The following KLF8 variants were observed in gnomAD, a reference collection of about 807,000 sequenced individuals.
KLF8 encodes the protein Krueppel-like factor 8.
KLF8 carries 10 observed loss-of-function variants against 18.2 expected under a neutral mutation model. The ratio of observed to expected loss-of-function variants is 0.55; its 90% CI spans 0.34 to 0.93. The LOEUF (loss-of-function observed/expected upper bound fraction) is 0.93. KLF8 is among the 40% of genes least tolerant of loss of function. The pLI, the probability that KLF8 is intolerant of heterozygous loss-of-function variation, is 0.02. For missense variants in KLF8, 264 were observed against 277.9 expected (o/e 0.95, Z 0.36); for synonymous variants, 109 against 97.3 (o/e 1.12, Z -0.71).
At chrX:56,117,502 G>GA in the KLF8 span, among the ~76,000 whole-genome samples, 632 of 107,221 alleles carry the variant, frequency 5.9e-3, 5 homozygotes, top group African/African-American at 0.015. Flanking sequence ...ATCTCTGGGG[G>GA]AAAAAAAAAC....
At chrX:56,160,124 T>C in the KLF8 span, among the ~76,000 whole-genome samples, 1 of 112,103 alleles carries the variant, frequency 8.9e-6, no homozygotes, top group Admixed American at 9.5e-5. Flanking sequence ...ACATCTTTTT[T>C]TCTGCCTTCA....
the KLF8 span, among the ~76,000 whole-genome samples, chrX:56,106,962 C>A: frequency 8.9e-6 from 1 of 111,964 alleles, no homozygotes; most frequent in African/African-American, 3.2e-5. Flanking sequence ...TTCTTTCTAA[C>A]GGTCAGGTCC....
chrX:56,092,150 C>T, the KLF8 span, among the ~76,000 whole-genome samples: 4 of 110,543 alleles, frequency 3.6e-5, no homozygotes, highest in South Asian at 1.2e-3. Flanking sequence ...TTGTCCTTTG[C>T]CCATTTTTAA....
the KLF8 span, among the ~76,000 whole-genome samples, chrX:56,083,490 CTT>C: frequency 8.9e-6 from 1 of 111,875 alleles, no homozygotes. Flanking sequence ...GAAAATAAAG[CTT>C]TTTTTGATTA....
At chrX:56,216,439 C>T in the KLF8 span, among the ~76,000 whole-genome samples, 8 of 110,853 alleles carry the variant, frequency 7.2e-5, no homozygotes, top group East Asian at 2.8e-4. Flanking sequence ...CTCACAGTAA[C>T]CTTGAACTCC....
chrX:55,909,242 G>A, the KLF8 span, among the ~76,000 whole-genome samples: 9 of 112,308 alleles, frequency 8.0e-5, no homozygotes, highest in East Asian at 2.5e-3. Flanking sequence ...AGGAATTTGT[G>A]TGGCGAGGAC....
the KLF8 span, among the ~76,000 whole-genome samples, chrX:56,130,591 G>A: frequency 9.0e-6 from 1 of 110,858 alleles, no homozygotes; most frequent in East Asian, 2.8e-4. Flanking sequence ...ACAAAACCAG[G>A]TTCTTTAACA....
Position 56,290,355 on chromosome X carries a change from AT to A in KLF8, c.*5862del, listed in dbSNP as rs1479932024. ...GTTATAATGATAGTTATAGTACCTT[AT>A]ATTTACCCTATGTAAAAGAGAAGAT... On this transcript the variant is annotated 3_prime_UTR_variant, in exon 6 of 6. Transcript: ENST00000468660. Among the ~76,000 whole-genome samples the A allele has an allele frequency of 6.3e-5, 7 of 111,959 alleles. No homozygotes were observed. The highest frequency in any genetic ancestry group is 5.7e-4 in the Admixed American group (6 of 10,538).
chrX:56,245,049 G>A (rs966259195), intron 1 of KLF8, among the ~76,000 whole-genome samples: 3 of 112,355 alleles, frequency 2.7e-5, no homozygotes. Context: ...ACTATGTGAT[G>A]TCAGGCCTCC....
the KLF8 span, among the ~76,000 whole-genome samples, chrX:56,192,747 C>T: frequency 8.9e-6 from 1 of 112,471 alleles, no homozygotes; most frequent in East Asian, 2.8e-4. Flanking sequence ...GCTGGGAAAA[C>T]TGGATATCCA....
At chrX:56,135,380 G>GA in the KLF8 span, among the ~76,000 whole-genome samples, 1 of 111,213 alleles carries the variant, frequency 9.0e-6, no homozygotes, top group East Asian at 2.8e-4. Flanking sequence ...CATAAAAAAT[G>GA]ATGAGTTCAT....
At chrX:55,953,046 C>T in the KLF8 span, among the ~76,000 whole-genome samples, 1 of 111,388 alleles carries the variant, frequency 9.0e-6, no homozygotes, top group African/African-American at 3.3e-5. Flanking sequence ...TCAAAGATTA[C>T]ATTTTCTAGT....
the KLF8 span, among the ~76,000 whole-genome samples, chrX:56,145,099 C>T: frequency 9.0e-6 from 1 of 111,098 alleles, no homozygotes; most frequent in Admixed American, 9.6e-5. Context: ...AGCCAGAATG[C>T]ATAGAGAACT....
chrX:56,091,259 C>CA, the KLF8 span, among the ~76,000 whole-genome samples: 1 of 110,588 alleles, frequency 9.0e-6, no homozygotes, highest in Non-Finnish European at 1.9e-5. Flanking sequence ...AGGGGCTTTT[C>CA]CCCCATCACT....
chrX:56,147,937 C>T, the KLF8 span, among the ~76,000 whole-genome samples: 1 of 112,333 alleles, frequency 8.9e-6, no homozygotes, highest in African/African-American at 3.2e-5. Flanking sequence ...GAGATCATGC[C>T]ACTGCACTCC....
At chrX:55,921,054 T>C in the KLF8 span, among the ~76,000 whole-genome samples, 3 of 112,200 alleles carry the variant, frequency 2.7e-5, no homozygotes, top group African/African-American at 9.7e-5. Flanking sequence ...AAAGAGCTTC[T>C]GCACAGAAAA....
intron 1 of KLF8, among the ~76,000 whole-genome samples, chrX:56,248,205 T>C (rs2066652168): frequency 9.1e-6 from 1 of 110,299 alleles, no homozygotes; most frequent in Non-Finnish European, 1.9e-5. Flanking sequence ...ATATACTTAA[T>C]GTAAATGACG....
chrX:55,950,684 C>T, the KLF8 span, among the ~76,000 whole-genome samples: 1 of 111,844 alleles, frequency 8.9e-6, no homozygotes, highest in Admixed American at 9.5e-5. Context: ...TAAGGATTAT[C>T]TCCAAACTTT....
the KLF8 span, among the ~76,000 whole-genome samples, chrX:56,030,475 GC>G: frequency 1.8e-5 from 2 of 111,514 alleles, no homozygotes; most frequent in African/African-American, 6.5e-5. Context: ...AGAGCTTGAG[GC>G]TTTTCAGTGT....
Sources: allele counts gnomAD v4.1 joint callset (sites outside exome capture counted in the v4.1 genomes callset), GRCh38; gene constraint gnomAD v4.1.1; transcripts MANE v1.5; gene names NCBI Gene and HGNC (gene_info 2026-07-23, HGNC 2026-07-21).